The following CFAP20DC variants were observed in gnomAD, a reference collection of about 807,000 sequenced individuals.
The protein encoded by CFAP20DC is protein CFAP20DC.
Under a neutral mutation model 101.7 loss-of-function variants are expected in CFAP20DC, and 84 were observed. That is an observed-to-expected ratio of 0.83 (90% CI 0.69 to 0.99). The LOEUF (loss-of-function observed/expected upper bound fraction) is 0.99. Among genes scored for constraint, CFAP20DC ranks in the 50% least tolerant of loss-of-function variants. The pLI is 0.00. For missense variants in CFAP20DC, 1,007 were observed against 970.3 expected (o/e 1.04, Z -0.50); for synonymous variants, 359 against 351.2 (o/e 1.02, Z -0.25).
At chr3:58,737,760 A>G (rs529039242), downstream of CFAP20DC, among the ~76,000 whole-genome samples, 14 of 152,314 alleles carry the variant, frequency 9.2e-5, no homozygotes, top group East Asian at 2.3e-3. The surrounding 1 kb of genome is among the most constrained non-coding windows in gnomAD (Gnocchi z 4.1). Flanking sequence ...AAGGCTGACA[A>G]CTGAGGGAAA....
chr3:58,955,677 C>T (rs974207597), intron 4 of CFAP20DC, among the ~76,000 whole-genome samples: 4 of 152,072 alleles, frequency 2.6e-5, no homozygotes, highest in African/African-American at 4.8e-5. Context: ...TAGTGCTGAA[C>T]TGGTCTCAGA....
chr3:58,976,153 C>A (rs2092265213), intron 4 of CFAP20DC, among the ~76,000 whole-genome samples: 1 of 152,190 alleles, frequency 6.6e-6, no homozygotes, highest in Non-Finnish European at 1.5e-5. Flanking sequence ...CTGATCTCCA[C>A]TTAAGACCTA....
intron 15 of CFAP20DC, among the ~76,000 whole-genome samples, chr3:58,766,182 C>T (rs1047379183): frequency 6.6e-6 from 1 of 152,106 alleles, no homozygotes; most frequent in African/African-American, 2.4e-5. Flanking sequence ...TTTAACTCTG[C>T]TGTTGTACTG....
intron 14 of CFAP20DC, among the ~76,000 whole-genome samples, chr3:58,825,861 C>G (rs1167281686): frequency 6.6e-6 from 1 of 152,166 alleles, no homozygotes; most frequent in Non-Finnish European, 1.5e-5. Context: ...GAGATGCCTA[C>G]AAAAGCCAAT....
At chr3:58,958,631 T>C (rs1398686550) in intron 4 of CFAP20DC, among the ~76,000 whole-genome samples, 1 of 152,202 alleles carries the variant, frequency 6.6e-6, no homozygotes, top group African/African-American at 2.4e-5. Context: ...TGATATTATA[T>C]TTTTGATCAC....
intron 13 of CFAP20DC, among the ~76,000 whole-genome samples, chr3:58,848,004 C>G (rs1302643935): frequency 3.0e-4 from 36 of 118,144 alleles, no homozygotes; most frequent in African/African-American, 1.2e-3. Flanking sequence ...ATATCACACT[C>G]TGGGGACTGT....
intron 16 of CFAP20DC, among the ~76,000 whole-genome samples, chr3:58,745,572 A>C (rs2068133843): frequency 6.6e-6 from 1 of 152,148 alleles, no homozygotes; most frequent in Non-Finnish European, 1.5e-5. Flanking sequence ...AACAATGCCT[A>C]TTTGGTAGGG....
Position 58,742,237 on chromosome 3 carries a change from C to T in CFAP20DC, c.*223G>A, listed in dbSNP as rs182096474. ...AAGAACCAATTCAAACTCCTAAAAT[C>T]TTGCCTCTGTATTAATTTCTTCAGT... is the stretch of plus-strand genomic sequence containing the variant. On this transcript the variant is annotated 3_prime_UTR_variant, in exon 17 of 17. Transcript: ENST00000482387. The T allele has an allele frequency of 5.2e-5, 57 of 1,089,162 alleles. No homozygotes were observed. In the East Asian group the frequency reaches 2.5e-3, roughly 47 times the overall value. 67.5% of individuals were successfully genotyped at this position (1,089,162 alleles called of 1,614,324 possible).
intron 11 of CFAP20DC, 91 bp downstream of exon 11, chr3:58,866,475 T>A: frequency 9.0e-7 from 1 of 1,106,690 alleles, no homozygotes. Context: ...ATCGGCTGCA[T>A]CACCACTTTT....
At position 58,892,628 on chromosome 3, in the gene CFAP20DC, T is replaced by C. The variant is rs192676403; in HGVS notation, c.551-7919A>G. ...TGGGAGTTCATTCATGATTTGGCTC[T>C]CTGCTTGCCTGTTGTTGGTGTATAG... On this transcript the variant is annotated intron_variant, in intron 6 of 16. Transcript: ENST00000482387. The surrounding 1 kb of genome is among the most constrained non-coding windows in gnomAD (Gnocchi z 4.0). Among the ~76,000 whole-genome samples, 1 of 152,348 alleles carries C rather than the reference T, an allele frequency of 6.6e-6. No homozygotes were observed. Among genetic ancestry groups the C allele is most frequent in the Non-Finnish European group, 1.5e-5 (1 of 68,032 alleles).
At chr3:58,824,916 C>G (rs1234694308) in intron 14 of CFAP20DC, among the ~76,000 whole-genome samples, 1 of 151,882 alleles carries the variant, frequency 6.6e-6, no homozygotes, top group African/African-American at 2.4e-5. Context: ...CTGCCTTAGC[C>G]TCCCAATTAG....
chr3:59,032,330 G>A (rs2094010424), intron 4 of CFAP20DC, among the ~76,000 whole-genome samples: 1 of 151,892 alleles, frequency 6.6e-6, no homozygotes, highest in Non-Finnish European at 1.5e-5. Context: ...AGTGGCACCT[G>A]GAATGCCAGC....
chr3:58,803,699 T>C (rs1248580073), intron 15 of CFAP20DC, among the ~76,000 whole-genome samples: 1 of 152,208 alleles, frequency 6.6e-6, no homozygotes, highest in Non-Finnish European at 1.5e-5. Context: ...CCAAGTCACA[T>C]CATCTGCAGG....
At chr3:58,937,135 T>C (rs2087802423) in intron 5 of CFAP20DC, among the ~76,000 whole-genome samples, 1 of 152,156 alleles carries the variant, frequency 6.6e-6, no homozygotes, top group African/African-American at 2.4e-5. Context: ...TCTGAACCCA[T>C]ATCAGGCTCT....
intron 4 of CFAP20DC, among the ~76,000 whole-genome samples, chr3:58,996,918 G>A (rs755895376): frequency 1.1e-4 from 17 of 152,188 alleles, no homozygotes; most frequent in African/African-American, 2.2e-4. Context: ...ACAGAGGTTC[G>A]CACCTTTTGC....
At chr3:58,839,541 T>C (rs752285647) in intron 13 of CFAP20DC, among the ~76,000 whole-genome samples, 7 of 152,186 alleles carry the variant, frequency 4.6e-5, no homozygotes, top group Non-Finnish European at 1.0e-4. Flanking sequence ...TAGTACCTTT[T>C]CCATGAAGAG....
chr3:58,968,979 C>T (rs900963419), intron 4 of CFAP20DC, among the ~76,000 whole-genome samples: 11 of 152,046 alleles, frequency 7.2e-5, no homozygotes, highest in South Asian at 2.1e-4. Context: ...TTTCCCCATT[C>T]CTTGATTTTG....
At chr3:58,998,022 C>G (rs1304900866) in intron 4 of CFAP20DC, among the ~76,000 whole-genome samples, 7 of 152,152 alleles carry the variant, frequency 4.6e-5, no homozygotes, top group Admixed American at 4.6e-4. Context: ...ACAGAGTTGG[C>G]CTCTGTGATT....
At chr3:58,889,246 C>A (rs1345131054) in intron 6 of CFAP20DC, among the ~76,000 whole-genome samples, 1 of 152,176 alleles carries the variant, frequency 6.6e-6, no homozygotes, top group Admixed American at 6.5e-5. Context: ...TAGTTCTAGA[C>A]AACTTTTCAC....
Sources: allele counts gnomAD v4.1 joint callset (sites outside exome capture counted in the v4.1 genomes callset), GRCh38; gene constraint gnomAD v4.1.1; non-coding constraint Gnocchi (gnomAD v3.1); transcripts MANE v1.5; gene names NCBI Gene and HGNC (gene_info 2026-07-23, HGNC 2026-07-21).